RTL4: variants seen among roughly 807,000 people sequenced by gnomAD.
RTL4 encodes the protein retrotransposon Gag-like protein 4.
A neutral mutation model predicts 5.3 loss-of-function variants in RTL4; 4 were observed. That is an observed-to-expected ratio of 0.75 (90% CI 0.37 to 1.72). The LOEUF (loss-of-function observed/expected upper bound fraction) is 1.72. Among genes scored for constraint, RTL4 ranks in the 40% most tolerant of loss-of-function variants. RTL4 has a pLI of 0.04. For missense variants in RTL4, 260 were observed against 227.1 expected (o/e 1.14, Z -0.93); for synonymous variants, 98 against 87.3 (o/e 1.12, Z -0.68).
At chrX:112,277,958 A>G in the RTL4 span, among the ~76,000 whole-genome samples, 4 of 112,015 alleles carry the variant, frequency 3.6e-5, no homozygotes, top group African/African-American at 1.3e-4. Flanking sequence ...CATTTTTTTG[A>G]TGTTATATAG....
the RTL4 span, among the ~76,000 whole-genome samples, chrX:112,128,697 TG>T: frequency 2.1e-4 from 22 of 106,758 alleles, no homozygotes; most frequent in East Asian, 5.8e-3. Flanking sequence ...ACTTAGAAGT[TG>T]GGTCCCTACC....
chrX:112,358,895 T>C, the RTL4 span, among the ~76,000 whole-genome samples: 1 of 111,757 alleles, frequency 8.9e-6, no homozygotes, highest in Non-Finnish European at 1.9e-5. Flanking sequence ...GGCCAATCAG[T>C]GTCCATCCCT....
the RTL4 span, among the ~76,000 whole-genome samples, chrX:112,364,538 T>G: frequency 1.8e-5 from 2 of 111,615 alleles, no homozygotes; most frequent in Non-Finnish European, 3.8e-5. Flanking sequence ...TCTGGGAAAC[T>G]AAGATGGATC....
chrX:112,253,929 T>C, the RTL4 span, among the ~76,000 whole-genome samples: 1 of 111,977 alleles, frequency 8.9e-6, no homozygotes, highest in Admixed American at 9.5e-5. Context: ...CTCTTAGTAA[T>C]TTTCCATCCA....
chrX:112,391,109 A>ACC, the RTL4 span, among the ~76,000 whole-genome samples: 1 of 112,107 alleles, frequency 8.9e-6, no homozygotes, highest in African/African-American at 3.2e-5. Context: ...TTATTCTGCT[A>ACC]TTAATACTTG....
chrX:112,134,615 A>G, the RTL4 span, among the ~76,000 whole-genome samples: 1 of 112,158 alleles, frequency 8.9e-6, no homozygotes, highest in East Asian at 2.8e-4. Flanking sequence ...ACAATTAGAC[A>G]CATTATTACA....
chrX:112,334,649 GCTT>G, the RTL4 span, among the ~76,000 whole-genome samples: 1 of 111,773 alleles, frequency 8.9e-6, no homozygotes, highest in Admixed American at 9.5e-5. Context: ...GCTAATTTCT[GCTT>G]CTTAATTAGA....
the RTL4 span, among the ~76,000 whole-genome samples, chrX:112,183,357 A>G: frequency 8.9e-6 from 1 of 112,349 alleles, no homozygotes; most frequent in South Asian, 3.7e-4. Context: ...CAATTAAAAG[A>G]CACAGACTTG....
the RTL4 span, among the ~76,000 whole-genome samples, chrX:112,327,474 T>G: frequency 9.1e-6 from 1 of 109,418 alleles, no homozygotes; most frequent in Non-Finnish European, 1.9e-5. Context: ...TAAAAAGAAA[T>G]GAACAAAGCC....
chrX:112,341,224 A>C, the RTL4 span, among the ~76,000 whole-genome samples: 203 of 111,046 alleles, frequency 1.8e-3, 1 homozygote, highest in African/African-American at 6.3e-3. Context: ...AGTTAGCGGT[A>C]GGAAGGAGGG....
the RTL4 span, among the ~76,000 whole-genome samples, chrX:112,378,853 C>T: frequency 8.9e-6 from 1 of 112,293 alleles, no homozygotes; most frequent in East Asian, 2.8e-4. Flanking sequence ...AATGTTGAGT[C>T]TCCAACAGCG....
the RTL4 span, among the ~76,000 whole-genome samples, chrX:112,434,591 A>AT: frequency 3.6e-5 from 4 of 111,314 alleles, no homozygotes; most frequent in African/African-American, 9.8e-5. Context: ...CCCCCTTATC[A>AT]TTTTTATTGT....
chrX:112,273,221 A>G, the RTL4 span, among the ~76,000 whole-genome samples: 1 of 110,203 alleles, frequency 9.1e-6, no homozygotes, highest in Non-Finnish European at 1.9e-5. Flanking sequence ...CATCTATAGA[A>G]TGAGGAGAAA....
At chrX:112,192,075 G>GTT in the RTL4 span, among the ~76,000 whole-genome samples, 249 of 78,887 alleles carry the variant, frequency 3.2e-3, 4 homozygotes, top group African/African-American at 0.011. Flanking sequence ...AAATACTAGG[G>GTT]TTTTTTTTTT....
At chrX:112,366,792 A>G in the RTL4 span, among the ~76,000 whole-genome samples, 3 of 112,040 alleles carry the variant, frequency 2.7e-5, no homozygotes, top group Non-Finnish European at 5.7e-5. Context: ...CTTGATAAGA[A>G]AGAGTAAATA....
At chrX:112,437,992 G>A in the RTL4 span, among the ~76,000 whole-genome samples, 1 of 110,995 alleles carries the variant, frequency 9.0e-6, no homozygotes, top group Middle Eastern at 4.6e-3. Context: ...CAGCAGTTAG[G>A]TGCCCATTTT....
the RTL4 span, among the ~76,000 whole-genome samples, chrX:112,320,825 A>C: frequency 6.7e-3 from 745 of 112,004 alleles, 6 homozygotes; most frequent in African/African-American, 0.023. Context: ...ACATAGGATC[A>C]ATGGAAAATT....
upstream of RTL4, among the ~76,000 whole-genome samples, chrX:112,452,444 A>C (rs757283470): frequency 4.6e-5 from 5 of 109,248 alleles, no homozygotes; most frequent in Non-Finnish European, 9.5e-5. Flanking sequence ...CATCTTAGCT[A>C]TCAGTTGACA....
chrX:112,157,181 AT>A, the RTL4 span, among the ~76,000 whole-genome samples: 1 of 110,208 alleles, frequency 9.1e-6, no homozygotes, highest in East Asian at 2.8e-4. Context: ...TTTTCACCAA[AT>A]ATTTAGAAAT....
Sources: allele counts gnomAD v4.1 joint callset (sites outside exome capture counted in the v4.1 genomes callset), GRCh38; gene constraint gnomAD v4.1.1; transcripts MANE v1.5; gene names NCBI Gene and HGNC (gene_info 2026-07-23, HGNC 2026-07-21).